The following TNNI3K variants were observed in gnomAD, a reference collection of about 807,000 sequenced individuals.
TNNI3K encodes the protein serine/threonine-protein kinase TNNI3K.
A neutral mutation model predicts 114.5 loss-of-function variants in TNNI3K; 140 were observed. The ratio of observed to expected loss-of-function variants is 1.22; its 90% CI spans 1.07 to 1.41. The LOEUF is 1.41. TNNI3K is among the 40% of genes most tolerant of loss of function. The pLI is 0.00. For missense variants in TNNI3K, 1,125 were observed against 1,007.6 expected (o/e 1.12, Z -1.58); for synonymous variants, 347 against 347.5 (o/e 1.00, Z 0.02).
At chr1:74,430,781 T>C (rs1665861048) in intron 17 of TNNI3K, among the ~76,000 whole-genome samples, 1 of 152,244 alleles carries the variant, frequency 6.6e-6, no homozygotes, top group South Asian at 2.1e-4. Context: ...TACTGTGGTA[T>C]CAGTGCAGTC....
At chr1:74,458,815 T>G (rs1486482625) in intron 20 of TNNI3K, among the ~76,000 whole-genome samples, 3 of 152,162 alleles carry the variant, frequency 2.0e-5, no homozygotes, top group African/African-American at 7.2e-5. Flanking sequence ...GCAGGTTCAT[T>G]GGTATATTGT....
chr1:74,504,078 G>A (rs1273339143), intron 23 of TNNI3K, among the ~76,000 whole-genome samples: 8 of 152,170 alleles, frequency 5.3e-5, no homozygotes, highest in Non-Finnish European at 1.2e-4. Context: ...TACCCAGACA[G>A]CACTATAGTG....
intron 5 of TNNI3K, among the ~76,000 whole-genome samples, chr1:74,281,790 T>C (rs1657031554): frequency 1.1e-5 from 1 of 94,262 alleles, no homozygotes; most frequent in Non-Finnish European, 2.1e-5. Context: ...GTTTAAATCA[T>C]TAAACTTACT....
At chr1:74,301,956 G>A (rs1463897005) in intron 5 of TNNI3K, among the ~76,000 whole-genome samples, 1 of 152,194 alleles carries the variant, frequency 6.6e-6, no homozygotes, top group African/African-American at 2.4e-5. Context: ...TGGTAAATGT[G>A]CAAGAAATGA....
chr1:74,434,481 TA>T, intron 17 of TNNI3K, among the ~76,000 whole-genome samples: 1 of 152,152 alleles, frequency 6.6e-6, no homozygotes, highest in East Asian at 1.9e-4. Flanking sequence ...TGGTACATGA[TA>T]AAGTCTCAGC....
chr1:74,288,493 T>C (rs1657467217), intron 5 of TNNI3K, among the ~76,000 whole-genome samples: 2 of 152,070 alleles, frequency 1.3e-5, no homozygotes, highest in African/African-American at 2.4e-5. Flanking sequence ...GGGAGGACAT[T>C]ATGCCAAGTG....
chr1:74,509,574 A>G lies in TNNI3K; in HGVS notation c.2351+17308A>G, dbSNP rs1255177761. On this transcript the variant is annotated intron_variant, in intron 23 of 24. Transcript: ENST00000326637. ...TTCAATAATATTTTATCAGATTAAC[A>G]TAGAGGACAATGAATTATGAAATTA... is the stretch of plus-strand genomic sequence containing the variant. Among the ~76,000 whole-genome samples the G allele has an allele frequency of 3.3e-5, 5 of 152,230 alleles. No homozygotes were observed. The East Asian group carries it at 7.7e-4, about 24-fold the overall frequency.
At chr1:74,331,852 G>A (rs569986547) in intron 6 of TNNI3K, among the ~76,000 whole-genome samples, 4 of 152,224 alleles carry the variant, frequency 2.6e-5, no homozygotes, top group Non-Finnish European at 5.9e-5. Flanking sequence ...TGTAGGTTAT[G>A]TAATCCCTCT....
intron 21 of TNNI3K, among the ~76,000 whole-genome samples, chr1:74,482,373 G>A (rs1235857899): frequency 6.6e-6 from 1 of 152,202 alleles, no homozygotes; most frequent in Admixed American, 6.5e-5. Context: ...GTTTCTTACA[G>A]ACATCAACTG....
intron 5 of TNNI3K, among the ~76,000 whole-genome samples, chr1:74,300,237 GT>G (rs1335879203): frequency 1.3e-5 from 2 of 152,150 alleles, no homozygotes; most frequent in Non-Finnish European, 2.9e-5. Flanking sequence ...ATTAGATCAA[GT>G]TTATGGACCA....
chr1:74,480,254 T>G, intron 21 of TNNI3K: 1 of 717,526 alleles, frequency 1.4e-6, no homozygotes, highest in South Asian at 1.5e-5. Context: ...GGAATCACAG[T>G]TGGTCTCAGA....
intron 5 of TNNI3K, among the ~76,000 whole-genome samples, chr1:74,301,096 A>G (rs184934360): frequency 1.3e-5 from 2 of 152,230 alleles, no homozygotes; most frequent in African/African-American, 4.8e-5. Flanking sequence ...TCTCTCTTAT[A>G]TGTGTTAGTT....
intron 5 of TNNI3K, among the ~76,000 whole-genome samples, chr1:74,288,796 G>A (rs1034592259): frequency 6.6e-6 from 1 of 151,986 alleles, no homozygotes; most frequent in Non-Finnish European, 1.5e-5. Flanking sequence ...AACTATGTGA[G>A]GTGATGGATA....
intron 21 of TNNI3K, among the ~76,000 whole-genome samples, chr1:74,476,886 T>G (rs1053543257): frequency 6.6e-6 from 1 of 152,160 alleles, no homozygotes; most frequent in African/African-American, 2.4e-5. Context: ...TGTTTCTTTT[T>G]TTTCTGTTAA....
chr1:74,446,322 G>T (rs1666673851), intron 20 of TNNI3K, among the ~76,000 whole-genome samples: 1 of 147,710 alleles, frequency 6.8e-6, no homozygotes, highest in Admixed American at 6.7e-5. Context: ...GTGTTTTTTG[G>T]CTGCATAAAT....
intron 20 of TNNI3K, among the ~76,000 whole-genome samples, chr1:74,441,950 A>G (rs144589758): frequency 5.3e-4 from 81 of 152,234 alleles, no homozygotes; most frequent in African/African-American, 1.9e-3. Flanking sequence ...CAAAGAGCAG[A>G]TGTTTTTAAT....
Position 74,235,417 on chromosome 1 carries a change from G to A in TNNI3K, c.-35G>A. ...TGAACTTGGAATCTTATAACTTGAAGAACTGCCCTGGAGAAAGGAAGAAAC... is the reference window on the plus strand; with the variant it reads ...TGAACTTGGAATCTTATAACTTGAAAAACTGCCCTGGAGAAAGGAAGAAAC... On this transcript the variant is annotated 5_prime_UTR_variant, in exon 1 of 25. Transcript: ENST00000326637. The A allele has an allele frequency of 6.9e-7, 1 of 1,459,600 alleles. No individual in the cohort carries two copies. The highest frequency in any genetic ancestry group is 2.4e-5 in the East Asian group (1 of 41,536). 90.4% of individuals were successfully genotyped at this position (1,459,600 alleles called of 1,614,324 possible).
chr1:74,527,978 G>A (rs1174105836), intron 23 of TNNI3K, among the ~76,000 whole-genome samples: 9 of 152,144 alleles, frequency 5.9e-5, no homozygotes, highest in Admixed American at 2.0e-4. Flanking sequence ...GGGGCTGCCC[G>A]GCCAAGGTGG....
intron 5 of TNNI3K, among the ~76,000 whole-genome samples, chr1:74,291,519 G>C (rs1657677239): frequency 1.3e-5 from 2 of 151,442 alleles, no homozygotes; most frequent in Admixed American, 6.6e-5. Flanking sequence ...TCATTTTACA[G>C]ATTGGGAAAC....
Sources: allele counts gnomAD v4.1 joint callset (sites outside exome capture counted in the v4.1 genomes callset), GRCh38; gene constraint gnomAD v4.1.1; transcripts MANE v1.5; gene names NCBI Gene and HGNC (gene_info 2026-07-23, HGNC 2026-07-21).